The following SEMA6D variants were observed in gnomAD, a reference collection of about 807,000 sequenced individuals.
The protein encoded by SEMA6D is semaphorin 6D, also known as semaphorin-6D.
A neutral mutation model predicts 106.6 loss-of-function variants in SEMA6D; 35 were observed. That is an observed-to-expected ratio of 0.33 (90% CI 0.25 to 0.44). SEMA6D has a LOEUF of 0.44. Ranked by LOEUF, SEMA6D falls within the 20% of genes least tolerant of loss-of-function variation. The probability of loss-of-function intolerance (pLI) is 1.00; values close to 1 mark genes in which losing one functional copy is unlikely to be tolerated. For missense variants in SEMA6D, 1,185 were observed against 1,345.9 expected (o/e 0.88, Z 1.87); for synonymous variants, 499 against 487.7 (o/e 1.02, Z -0.31).
chr15:47,213,568 C>A (rs17356434), intron 1 of SEMA6D, among the ~76,000 whole-genome samples: 1,854 of 152,280 alleles, frequency 0.012, 43 homozygotes, highest in Admixed American at 0.012. Flanking sequence ...GCTAAATCAA[C>A]CCAAATCTGA....
In SEMA6D at chr15:47,767,088, C is replaced by A; in HGVS notation, c.1760C>A (p.Thr587Lys). The A allele has an allele frequency of 1.3e-6, 2 of 1,566,848 alleles. No homozygotes were observed. Among genetic ancestry groups the A allele is most frequent in the South Asian group, 1.2e-5 (1 of 82,640 alleles). The change falls in exon 17 of 19, where the codon ACA becomes AAA. Residue 587 changes from threonine to lysine, a missense_variant. Coordinates refer to ENST00000536845, the MANE Select transcript of SEMA6D (RefSeq NM_001358351.3). ...GATTACAAAATATTTGGCGGTCCAA[C>A]ATCTGGTTAGTTTTTTTTAATTTTT... is the stretch of plus-strand genomic sequence containing the variant. ...TPDYKIFGGPTSDMEVSSSSV... is the reference protein window; with the variant it reads ...TPDYKIFGGPKSDMEVSSSSV...
chr15:47,732,145 A>G lies in SEMA6D; in HGVS notation c.-55+14453A>G, dbSNP rs74011229. Among the ~76,000 whole-genome samples the G allele has an allele frequency of 2.8e-3, 429 of 152,294 alleles. 3 individuals carry two copies. Among genetic ancestry groups the G allele is most frequent in the African/African-American group, 9.9e-3 (410 of 41,566 alleles). On this transcript the variant is annotated intron_variant, in intron 1 of 18. Transcript: ENST00000536845. ...GGTGCTCAGTCATGTTGGGTTTTCC[A>G]TTGTTAGTATGCTTTGGACTACAGG...
At chr15:47,631,481 A>C (rs2077292085) in intron 4 of SEMA6D, among the ~76,000 whole-genome samples, 1 of 151,994 alleles carries the variant, frequency 6.6e-6, no homozygotes, top group Admixed American at 6.6e-5. Context: ...GAAAAAGGAA[A>C]AAAAGGCTCT....
chr15:47,707,537 C>T (rs1275433123), intron 4 of SEMA6D, among the ~76,000 whole-genome samples: 1 of 152,122 alleles, frequency 6.6e-6, no homozygotes, highest in Non-Finnish European at 1.5e-5. Context: ...GTTTGCAAGC[C>T]ACCAGTAAGA....
chr15:47,345,693 C>T (rs1222628076), intron 1 of SEMA6D, among the ~76,000 whole-genome samples: 1 of 152,018 alleles, frequency 6.6e-6, no homozygotes, highest in Non-Finnish European at 1.5e-5. Flanking sequence ...CATAAAGGAA[C>T]TAATTGATAA....
chr15:47,189,189 G>A (rs1439923099), intron 1 of SEMA6D, among the ~76,000 whole-genome samples: 2 of 151,798 alleles, frequency 1.3e-5, no homozygotes, highest in African/African-American at 4.8e-5. Flanking sequence ...TCTCTTTCTT[G>A]ATTCCTCTGT....
intron 1 of SEMA6D, among the ~76,000 whole-genome samples, chr15:47,346,311 A>C (rs2038042626): frequency 6.6e-6 from 1 of 152,184 alleles, no homozygotes; most frequent in Admixed American, 6.5e-5. Context: ...GCCATGGAAT[A>C]GTGTCAGGAG....
intron 2 of SEMA6D, among the ~76,000 whole-genome samples, chr15:47,467,195 T>C (rs1387421172): frequency 6.6e-6 from 1 of 152,154 alleles, no homozygotes; most frequent in East Asian, 1.9e-4. Flanking sequence ...GAGTTATCCA[T>C]ATCAATGTAA....
chr15:47,285,545 A>C (rs1266679590), intron 1 of SEMA6D, among the ~76,000 whole-genome samples: 1 of 152,136 alleles, frequency 6.6e-6, no homozygotes, highest in Non-Finnish European at 1.5e-5. Flanking sequence ...GAAACTGTGC[A>C]GATCTCCTGA....
intron 3 of SEMA6D, among the ~76,000 whole-genome samples, chr15:47,509,132 A>G (rs1203111855): frequency 6.6e-6 from 1 of 152,138 alleles, no homozygotes; most frequent in Non-Finnish European, 1.5e-5. Flanking sequence ...CCACACCCAT[A>G]CAGCTAGCAC....
intron 1 of SEMA6D, among the ~76,000 whole-genome samples, chr15:47,276,981 A>G (rs1194418544): frequency 1.3e-5 from 2 of 152,144 alleles, no homozygotes; most frequent in African/African-American, 2.4e-5. Flanking sequence ...ACTCTCATGG[A>G]TGACCTTGAG....
At chr15:47,765,295 A>G (rs1355631747) in intron 13 of SEMA6D, 2 of 1,285,454 alleles carry the variant, frequency 1.6e-6, no homozygotes, top group Admixed American at 3.7e-5. Flanking sequence ...CACCTGTAGA[A>G]TATGAGAACA....
chr15:47,191,066 G>A (rs1893928533), intron 1 of SEMA6D, among the ~76,000 whole-genome samples: 2 of 152,076 alleles, frequency 1.3e-5, no homozygotes, highest in African/African-American at 4.8e-5. Flanking sequence ...CCCACAAGTG[G>A]AGAGGCTGAA....
intron 1 of SEMA6D, chr15:47,359,766 C>A (rs959214390): frequency 1.3e-5 from 2 of 152,138 alleles, no homozygotes; most frequent in African/African-American, 4.8e-5. Context: ...GCTTTTCATT[C>A]AGAGATTATT....
At chr15:47,379,793 C>T (rs866215206) in intron 1 of SEMA6D, among the ~76,000 whole-genome samples, 3 of 152,078 alleles carry the variant, frequency 2.0e-5, no homozygotes, top group African/African-American at 7.2e-5. Flanking sequence ...GTTTTGCTCT[C>T]GTTGCCCAGG....
chr15:47,506,428 G>A (rs903161034), intron 3 of SEMA6D, among the ~76,000 whole-genome samples: 2 of 152,106 alleles, frequency 1.3e-5, no homozygotes, highest in African/African-American at 4.8e-5. Context: ...CAGAGGACAT[G>A]TTAAGCTTGA....
intron 1 of SEMA6D, among the ~76,000 whole-genome samples, chr15:47,342,934 G>A (rs1299358141): frequency 6.6e-6 from 1 of 151,998 alleles, no homozygotes; most frequent in Non-Finnish European, 1.5e-5. Flanking sequence ...GCTGATCTCC[G>A]ACTCCTCACC....
rs2082646935 is a variant in SEMA6D, at chr15:47,771,903, A to G, written c.*118A>G. 3 of 1,110,874 alleles carry G rather than the reference A, an allele frequency of 2.7e-6. No homozygotes were observed. In the East Asian group the frequency reaches 7.2e-5, roughly 27 times the overall value. 68.8% of individuals were successfully genotyped at this position (1,110,874 alleles called of 1,614,324 possible). On this transcript the variant is annotated 3_prime_UTR_variant, in exon 19 of 19. Transcript: ENST00000536845. ...GTATTTTAAGAGAACCAAGTGGCCA[A>G]AGAAACTCTTTCTAACTTTGGCAAC...
At position 47,517,713 on chromosome 15, in the gene SEMA6D, G is replaced by T. The variant is rs114998879; in HGVS notation, c.-87+47168G>T. Among the ~76,000 whole-genome samples the T allele has an allele frequency of 3.6e-3, 546 of 152,148 alleles. 5 individuals are homozygous for T. The highest frequency in any genetic ancestry group is 0.013 in the African/African-American group (526 of 41,526). On this transcript the variant is annotated intron_variant, in intron 3 of 19. Coordinates refer to the SEMA6D transcript ENST00000558014. ...ATTTCCTTCATGCCACTTTTTGTTT[G>T]TTTGTCTGTTTAAGCAAAGTGGCCT...
Sources: allele counts gnomAD v4.1 joint callset (sites outside exome capture counted in the v4.1 genomes callset), GRCh38; gene constraint gnomAD v4.1.1; transcripts MANE v1.5; gene names NCBI Gene and HGNC (gene_info 2026-07-23, HGNC 2026-07-21).